PPP2R5C: variants seen among roughly 807,000 people sequenced by gnomAD.
PPP2R5C encodes protein phosphatase 2 regulatory subunit B'gamma.
A neutral mutation model predicts 68.9 loss-of-function variants in PPP2R5C; 7 were observed. The observed-to-expected ratio is 0.10, with a 90% CI of 0.06 to 0.19. PPP2R5C has a LOEUF of 0.19. Among genes scored for constraint, PPP2R5C ranks in the 10% least tolerant of loss-of-function variants. PPP2R5C has a pLI of 1.00. For synonymous variants in PPP2R5C, 210 were observed against 222.2 expected, an observed-to-expected ratio of 0.95 and a Z score of 0.49; for missense variants, 348 against 641.3, an observed-to-expected ratio of 0.54 and a Z score of 4.94.
intron 2 of PPP2R5C, among the ~76,000 whole-genome samples, chr14:101,860,941 G>A (rs921814757): frequency 3.3e-5 from 5 of 152,174 alleles, no homozygotes; most frequent in Non-Finnish European, 5.9e-5. Flanking sequence ...TCCCAGGGGA[G>A]CCAGTTCTTG....
intron 2 of PPP2R5C, among the ~76,000 whole-genome samples, chr14:101,785,751 A>G (rs2038062518): frequency 6.6e-6 from 1 of 152,194 alleles, no homozygotes; most frequent in African/African-American, 2.4e-5. Context: ...TATTTAGTCT[A>G]CCACATCAAC....
intron 1 of PPP2R5C, chr14:101,836,393 C>T (rs1595324247): frequency 1.4e-6 from 1 of 702,050 alleles, no homozygotes; most frequent in Non-Finnish European, 2.6e-6. Flanking sequence ...GACCTGCCAA[C>T]CTTAGCCTAA....
chr14:101,820,615 C>T (rs911731343), intron 1 of PPP2R5C: 1 of 152,214 alleles, frequency 6.6e-6, no homozygotes, highest in Non-Finnish European at 1.5e-5. Flanking sequence ...TGAAACCTCC[C>T]TTTTCCCACC....
At position 101,870,124 on chromosome 14, in the gene PPP2R5C, A is replaced by C. The variant is rs564335429; in HGVS notation, c.295-12037A>C. On this transcript the variant is annotated intron_variant, in intron 2 of 13. Transcript: ENST00000334743. ...TGGGTACAGATTTTTTGCGAGATAC[A>C]TGATTTGCAAATATTTTCTCTCAGT... 2.2e-5 allele frequency among the ~76,000 whole-genome samples: 3 copies of C among 135,374 alleles called. No individual in the cohort carries two copies. In the East Asian group the frequency reaches 6.4e-4, roughly 29 times the overall value. 88.8% of individuals were successfully genotyped at this position (135,374 alleles called of 152,430 possible). A position where few individuals can be genotyped will look rare whatever the true frequency, so the allele number is the denominator to read the frequency against.
At chr14:101,849,345 G>A (rs1006310755) in intron 1 of PPP2R5C, among the ~76,000 whole-genome samples, 1 of 152,126 alleles carries the variant, frequency 6.6e-6, no homozygotes, top group African/African-American at 2.4e-5. Flanking sequence ...GGTGGTGTTC[G>A]GGCTCCAGCC....
At chr14:101,780,208 A>T (rs568898619) in intron 2 of PPP2R5C, among the ~76,000 whole-genome samples, 77 of 152,284 alleles carry the variant, frequency 5.1e-4, no homozygotes, top group Middle Eastern at 3.4e-3. Flanking sequence ...TACTCTCAGG[A>T]GTAAGCATTA....
intron 1 of PPP2R5C, among the ~76,000 whole-genome samples, chr14:101,811,168 A>C (rs1671056852): frequency 6.6e-6 from 1 of 152,230 alleles, no homozygotes. Flanking sequence ...TCTTTCATGA[A>C]GGTGGAAATC....
chr14:101,823,765 T>A, intron 1 of PPP2R5C: 2 of 1,095,676 alleles, frequency 1.8e-6, no homozygotes, highest in Non-Finnish European at 2.3e-6. Context: ...CTCACCCCTC[T>A]CTGAGCATGC....
At chr14:101,790,838 C>T (rs545804703) in intron 3 of PPP2R5C, among the ~76,000 whole-genome samples, 13 of 152,302 alleles carry the variant, frequency 8.5e-5, no homozygotes, top group South Asian at 2.1e-4. Flanking sequence ...CCCAGCACTT[C>T]GGGAGGCCGA....
intron 1 of PPP2R5C, chr14:101,831,692 C>T: frequency 1.4e-6 from 1 of 690,874 alleles, no homozygotes; most frequent in Non-Finnish European, 2.7e-6. Flanking sequence ...TTTTTTCAAC[C>T]AAATGCAGAT....
At chr14:101,873,746 C>T (rs1342828719) in intron 2 of PPP2R5C, among the ~76,000 whole-genome samples, 1 of 152,182 alleles carries the variant, frequency 6.6e-6, no homozygotes, top group Non-Finnish European at 1.5e-5. Context: ...TGGAACTCTG[C>T]CTTGCAAATT....
In PPP2R5C at chr14:101,818,913, G is replaced by T. The variant is rs1357043903; in HGVS notation, c.94+8877G>T. 9 of 1,138,778 alleles carry T rather than the reference G, an allele frequency of 7.9e-6. No homozygotes were observed. In the African/African-American group the frequency reaches 1.4e-4, roughly 18 times the overall value. 70.5% of individuals were successfully genotyped at this position (1,138,778 alleles called of 1,614,324 possible). A position where few individuals can be genotyped will look rare whatever the true frequency, so the allele number is the denominator to read the frequency against. On this transcript the variant is annotated intron_variant, in intron 1 of 13. Coordinates refer to ENST00000334743, the Ensembl canonical transcript of PPP2R5C. ...AATACACATGGATTTTTGTCTGCTG[G>T]TTGTGTTACTCATGAGCAATGTGTT... is the stretch of plus-strand genomic sequence containing the variant.
At chr14:101,871,367 C>A (rs1410015262) in intron 2 of PPP2R5C, among the ~76,000 whole-genome samples, 1 of 152,010 alleles carries the variant, frequency 6.6e-6, no homozygotes, top group Non-Finnish European at 1.5e-5. Context: ...TCAGCCTCCC[C>A]CAAGTAGCTG....
intron 2 of PPP2R5C, among the ~76,000 whole-genome samples, chr14:101,861,553 C>G (rs1250121375): frequency 6.6e-6 from 1 of 152,172 alleles, no homozygotes; most frequent in Non-Finnish European, 1.5e-5. Flanking sequence ...ATAGAAACAG[C>G]CAGTTTCACT....
At chr14:101,791,934 A>T (rs1170907597) in intron 3 of PPP2R5C, among the ~76,000 whole-genome samples, 1 of 152,158 alleles carries the variant, frequency 6.6e-6, no homozygotes, top group Non-Finnish European at 1.5e-5. Context: ...AGATATGTGA[A>T]ATAAATTGAA....
exon 12 of PPP2R5C, chr14:101,912,432 G>A (rs749957513): frequency 6.2e-7 from 1 of 1,600,772 alleles, no homozygotes; most frequent in Admixed American, 1.8e-5. Flanking sequence ...ACGGGAAGAA[G>A]CATGGGTTAA....
At position 101,831,621 on chromosome 14, in the gene PPP2R5C, A is replaced by T. The variant is rs983787342; in HGVS notation, c.94+21585A>T. The T allele has an allele frequency of 4.9e-6, 3 of 612,050 alleles. No homozygotes were observed. The African/African-American group carries it at 5.4e-5, about 11-fold the overall frequency. The allele number at this position is 612,050 out of a possible 1,614,324, so 37.9% of individuals were successfully genotyped here. Reference sequence around the variant, plus strand: ...AGTACATTCCTTAAATAAGTACAAGAATTACAGTTGACCCTTGAACGTCAC... The same window carrying T: ...AGTACATTCCTTAAATAAGTACAAGTATTACAGTTGACCCTTGAACGTCAC... On this transcript the variant is annotated intron_variant, in intron 1 of 13. Transcript: ENST00000334743.
chr14:101,846,533 G>A (rs1673832744), intron 1 of PPP2R5C, among the ~76,000 whole-genome samples: 1 of 152,230 alleles, frequency 6.6e-6, no homozygotes, highest in South Asian at 2.1e-4. Flanking sequence ...CAATTTTGAA[G>A]TTATGTAGGT....
chr14:101,925,042 C>T, intron 13 of PPP2R5C, 99 bp from the exon 16 acceptor site: 6 of 1,388,648 alleles, frequency 4.3e-6, no homozygotes, highest in Non-Finnish European at 6.0e-6. Flanking sequence ...GGGTGAGGCA[C>T]ACGTGCCTCG....
Sources: allele counts gnomAD v4.1 joint callset (sites outside exome capture counted in the v4.1 genomes callset), GRCh38; gene constraint gnomAD v4.1.1; transcripts MANE v1.5; gene names NCBI Gene and HGNC (gene_info 2026-07-23, HGNC 2026-07-21).